DDX4: variants seen among roughly 807,000 people sequenced by gnomAD.
DDX4 encodes probable ATP-dependent RNA helicase DDX4.
In DDX4, 25 loss-of-function variants were observed where a neutral mutation model predicts 100.0. The ratio of observed to expected loss-of-function variants is 0.25; its 90% CI spans 0.18 to 0.35. DDX4 has a LOEUF of 0.35. Ranked by LOEUF, DDX4 falls within the 10% of genes least tolerant of loss-of-function variation. DDX4 has a pLI of 1.00. For missense variants in DDX4, 635 were observed against 882.4 expected (o/e 0.72, Z 3.55); for synonymous variants, 259 against 275.7 (o/e 0.94, Z 0.60).
At chr5:55,746,087 T>A in intron 2 of DDX4, 77 bp from the exon 3 acceptor site, 1 of 1,129,194 alleles carries the variant, frequency 8.9e-7, no homozygotes, top group Non-Finnish European at 1.3e-6. Flanking sequence ...TTGTTATAAT[T>A]TTCTAGTATT....
At chr5:55,742,624 T>C (rs1421436111) in intron 2 of DDX4, among the ~76,000 whole-genome samples, 1 of 152,188 alleles carries the variant, frequency 6.6e-6, no homozygotes, top group African/African-American at 2.4e-5. Flanking sequence ...ACATTCGAAA[T>C]TTCTGAATTG....
At chr5:55,740,203 T>C (rs1220430351) in intron 2 of DDX4, among the ~76,000 whole-genome samples, 1 of 152,258 alleles carries the variant, frequency 6.6e-6, no homozygotes, top group Admixed American at 6.5e-5. Context: ...AGTGTCTTGC[T>C]CTGTCACCCA....
intron 7 of DDX4, among the ~76,000 whole-genome samples, chr5:55,771,871 T>C (rs1331334144): frequency 6.6e-6 from 1 of 152,212 alleles, no homozygotes; most frequent in Admixed American, 6.6e-5. Context: ...TTCTGTTGAG[T>C]ATCTTTACTT....
intron 17 of DDX4, among the ~76,000 whole-genome samples, chr5:55,794,758 A>G (rs182114887): frequency 8.5e-5 from 13 of 152,260 alleles, no homozygotes; most frequent in South Asian, 4.1e-4. Flanking sequence ...AGTTGTTTAC[A>G]TTCTTTGCTT....
intron 3 of DDX4, among the ~76,000 whole-genome samples, chr5:55,758,465 T>G (rs562181691): frequency 6.6e-6 from 1 of 152,226 alleles, no homozygotes; most frequent in East Asian, 1.9e-4. Flanking sequence ...GTATGACAGT[T>G]GAATTATTTG....
At chr5:55,757,836 G>A (rs1014358087) in intron 3 of DDX4, among the ~76,000 whole-genome samples, 1 of 152,138 alleles carries the variant, frequency 6.6e-6, no homozygotes, top group Non-Finnish European at 1.5e-5. Context: ...TTAAGGCCAG[G>A]AGTTCGAGAC....
At chr5:55,801,236 G>A (rs563520543) in intron 18 of DDX4, among the ~76,000 whole-genome samples, 92 of 132,332 alleles carry the variant, frequency 7.0e-4, no homozygotes, top group Non-Finnish European at 1.1e-3. Context: ...TTTTTTTTGC[G>A]ATTAAAAAAA....
intron 17 of DDX4, among the ~76,000 whole-genome samples, chr5:55,794,596 C>T (rs1742806239): frequency 6.6e-6 from 1 of 151,560 alleles, no homozygotes; most frequent in Non-Finnish European, 1.5e-5. Flanking sequence ...TAGATTCACC[C>T]TGAAATGGGA....
At chr5:55,767,807 G>C (rs1741016684) in intron 6 of DDX4, 74 bp from the exon 7 acceptor site, 1 of 1,023,584 alleles carries the variant, frequency 9.8e-7, no homozygotes, top group Non-Finnish European at 1.4e-6. Context: ...TTTATCTTGT[G>C]ACAGTGCTAT....
chr5:55,758,715 A>G (rs1411391878), intron 3 of DDX4, among the ~76,000 whole-genome samples: 3 of 151,708 alleles, frequency 2.0e-5, no homozygotes, highest in African/African-American at 7.3e-5. Context: ...TTTTAAACAC[A>G]TTTCTAATAC....
chr5:55,814,913 G>A lies in DDX4; in HGVS notation c.1728G>A (p.Gln576=). The part of the protein sequence containing the change: ...STTSIHGDRE[Q]REREQALGDF... ...CTTTTCTTTCAAGTGATCGGGAACA[G>A]AGAGAGCGGGAGCAAGCTCTTGGAG... Residue 576 remains glutamine (Q), a synonymous_variant, in exon 20 of 22, where the codon CAG becomes CAA. Transcript: ENST00000505374. 1 of 1,613,348 alleles carries A rather than the reference G, an allele frequency of 6.2e-7. No individual in the cohort carries two copies. The highest frequency in any genetic ancestry group is 8.5e-7 in the Non-Finnish European group (1 of 1,179,364).
In DDX4 at chr5:55,796,514, C is replaced by T. The variant is rs146212911; in HGVS notation, c.1470-1912C>T. 4.9e-4 allele frequency among the ~76,000 whole-genome samples: 74 copies of T among 152,288 alleles called. No individual in the cohort carries two copies. In the East Asian group the frequency reaches 0.012, roughly 25 times the overall value. ...CAAAATAAAGTCTGATTCTTTTAAA[C>T]ATTTATTTAAAATAAACCTTCCCAT... On this transcript the variant is annotated intron_variant, in intron 17 of 21. Transcript: ENST00000505374.
Position 55,748,392 on chromosome 5 carries a change from A to G in DDX4, c.127+2171A>G, listed in dbSNP as rs895569208. 3.9e-5 allele frequency among the ~76,000 whole-genome samples: 6 copies of G among 152,298 alleles called. No homozygotes were observed. In the East Asian group the frequency reaches 1.2e-3, roughly 29 times the overall value. ...TTTTGAGGTATGAACAGAAGCCAAT[A>G]TTTGTAAAGGAATGAAAGTTTAGGT... On this transcript the variant is annotated intron_variant, in intron 3 of 21. Transcript: ENST00000505374.
In DDX4 at chr5:55,779,979, A is replaced by G; in HGVS notation, c.410A>G (p.Asn137Ser). Residue 137 changes from asparagine to serine, a missense_variant, in exon 8 of 22, where the codon AAT becomes AGT. Physicochemically the swap from Asn to Ser is conservative, Grantham distance 46. Around this residue, in one of 4 missense-constraint regions of DDX4, gnomAD observed 446 missense variants for 540.8 expected, o/e 0.82. Coordinates refer to ENST00000505374, the MANE Select transcript of DDX4 (RefSeq NM_024415.3). ...AACATTATAGGCTATCGAGATGGAA[A>G]TAATTCAGAAGCTTCAGGGCCATAC... ...FSKRGGYRDG[N>S]NSEASGPYRR... 1.2e-6 allele frequency: 2 copies of G among 1,613,776 alleles called. No individual in the cohort carries two copies. Among genetic ancestry groups the G allele is most frequent in the Non-Finnish European group, 1.7e-6 (2 of 1,179,820 alleles).
intron 18 of DDX4, among the ~76,000 whole-genome samples, chr5:55,813,430 T>G (rs1235902659): frequency 6.6e-6 from 1 of 152,178 alleles, no homozygotes; most frequent in African/African-American, 2.4e-5. Flanking sequence ...CTACTTCTTG[T>G]GTTGGCCTGG....
intron 7 of DDX4, chr5:55,777,597 G>C (rs928000245): frequency 2.6e-5 from 4 of 152,236 alleles, no homozygotes; most frequent in Non-Finnish European, 4.4e-5. Context: ...GTCGGGGGAG[G>C]GCAGGTGGGG....
chr5:55,745,097 C>T (rs1403416044), intron 2 of DDX4, among the ~76,000 whole-genome samples: 1 of 152,144 alleles, frequency 6.6e-6, no homozygotes. Context: ...TCAGGCTGGT[C>T]TTGAACTGCT....
At chr5:55,807,834 G>A (rs1419296588) in intron 18 of DDX4, among the ~76,000 whole-genome samples, 1 of 152,080 alleles carries the variant, frequency 6.6e-6, no homozygotes, top group Admixed American at 6.6e-5. Flanking sequence ...TATCTTTGTG[G>A]CGTTCTCTCT....
At chr5:55,754,900 G>T (rs1759830255) in intron 3 of DDX4, among the ~76,000 whole-genome samples, 1 of 152,054 alleles carries the variant, frequency 6.6e-6, no homozygotes, top group African/African-American at 2.4e-5. Context: ...GTTTAGTCTT[G>T]GGAGAGTGTA....
Sources: allele counts gnomAD v4.1 joint callset (sites outside exome capture counted in the v4.1 genomes callset), GRCh38; gene constraint gnomAD v4.1.1; regional missense constraint gnomAD v4.1.1; transcripts MANE v1.5; gene names NCBI Gene and HGNC (gene_info 2026-07-23, HGNC 2026-07-21).